Variants in SLAIN1 observed in about 807,000 individuals in gnomAD.
SLAIN1 encodes SLAIN motif-containing protein 1.
In SLAIN1, 17 loss-of-function variants were observed where a neutral mutation model predicts 55.4. That is an observed-to-expected ratio of 0.31 (90% CI 0.21 to 0.46). SLAIN1 has a LOEUF of 0.46. Among genes scored for constraint, SLAIN1 ranks in the 20% least tolerant of loss-of-function variants. The pLI is 1.00. For synonymous variants in SLAIN1, 348 were observed against 337.4 expected (o/e 1.03, Z -0.35); for missense variants, 682 against 785.1 (o/e 0.87, Z 1.57).
At chr13:77,716,128 T>G (rs748719693) in intron 1 of SLAIN1, among the ~76,000 whole-genome samples, 23 of 152,034 alleles carry the variant, frequency 1.5e-4, no homozygotes, top group Non-Finnish European at 2.6e-4. Context: ...GTTTTGTTTT[T>G]TTTTTTCTCA....
chr13:77,698,517 CG>C lies in SLAIN1; in HGVS notation c.607del (p.Asp203ThrfsTer23). On this transcript the variant is annotated frameshift_variant, in exon 1 of 7. Coordinates refer to ENST00000418532, the MANE Select transcript of SLAIN1 (RefSeq NM_001242868.2). LOFTEE classifies it high-confidence loss of function. This position sits in a 1 kb window ranked among gnomAD's most constrained non-coding sequence, Gnocchi z 4.1. ...GGATCTGGAGAGCGTAGCCGCCTGG[CG>C]GGACGAGGACGACTACACCTGGTAC... is the stretch of plus-strand genomic sequence containing the variant. ...LLDLESVAAW[R>X]DEDDYTWLYI... is the part of the protein sequence containing the mutation. The C allele has an allele frequency of 6.9e-7, 1 of 1,446,460 alleles. No homozygotes were observed. The highest frequency in any genetic ancestry group is 9.0e-7 in the Non-Finnish European group (1 of 1,107,050). The allele number at this position is 1,446,460 out of a possible 1,614,324, so 89.6% of individuals were successfully genotyped here.
chr13:77,754,455 A>C (rs1201115580), intron 5 of SLAIN1, among the ~76,000 whole-genome samples: 1 of 152,190 alleles, frequency 6.6e-6, no homozygotes, highest in African/African-American at 2.4e-5. Flanking sequence ...GTTAAGGAAC[A>C]GTTTGTCTAA....
chr13:77,742,840 CA>C (rs1873538980), intron 2 of SLAIN1: 2 of 185,750 alleles, frequency 1.1e-5, no homozygotes, highest in Non-Finnish European at 1.1e-5. Flanking sequence ...CCCTAATTCA[CA>C]AATTGTTTAT....
chr13:77,729,040 G>A (rs1053016211), intron 2 of SLAIN1, among the ~76,000 whole-genome samples: 7 of 152,172 alleles, frequency 4.6e-5, no homozygotes, highest in Non-Finnish European at 1.0e-4. Flanking sequence ...AAAATGCATT[G>A]TCATAGCTGT....
At chr13:77,757,901 T>G (rs1395349449) in intron 5 of SLAIN1, among the ~76,000 whole-genome samples, 1 of 152,086 alleles carries the variant, frequency 6.6e-6, no homozygotes, top group African/African-American at 2.4e-5. Context: ...TGCGTATGAA[T>G]GTGTCTTTTT....
intron 1 of SLAIN1, among the ~76,000 whole-genome samples, chr13:77,709,853 C>G (rs1489075597): frequency 6.6e-6 from 1 of 152,086 alleles, no homozygotes; most frequent in Non-Finnish European, 1.5e-5. Context: ...TCACTGCAAC[C>G]CCCGCCTCCC....
intron 1 of SLAIN1, among the ~76,000 whole-genome samples, chr13:77,705,748 T>G (rs2091083150): frequency 6.6e-6 from 1 of 151,992 alleles, no homozygotes; most frequent in Non-Finnish European, 1.5e-5. Context: ...TTGTATTATC[T>G]GCAAAAAGAT....
At chr13:77,724,545 G>A (rs2091290532) in intron 2 of SLAIN1, among the ~76,000 whole-genome samples, 1 of 152,150 alleles carries the variant, frequency 6.6e-6, no homozygotes, top group Non-Finnish European at 1.5e-5. Flanking sequence ...AGAATAGGGA[G>A]GAATTCATAG....
chr13:77,718,942 A>C (rs989105030), intron 1 of SLAIN1, among the ~76,000 whole-genome samples: 2 of 152,138 alleles, frequency 1.3e-5, no homozygotes, highest in South Asian at 4.1e-4. Flanking sequence ...AGTCTTCGTA[A>C]AACATATCTT....
chr13:77,746,722 G>A lies in SLAIN1; in HGVS notation c.1125G>A (p.Gln375=). ...TCCAAAGAGGAATTCCCCATTCACA[G>A]ACTTTCTCCAGCATTCGGGAGTGTA... The part of the protein sequence containing the change: ...SPFQRGIPHS[Q]TFSSIRECRR... The change falls in exon 4 of 7, where the codon CAG becomes CAA. Residue 375 remains glutamine, a synonymous_variant. Coordinates refer to ENST00000418532, the MANE Select transcript of SLAIN1 (RefSeq NM_001242868.2). The A allele has an allele frequency of 6.2e-7, 1 of 1,613,790 alleles. No homozygotes were observed. Among genetic ancestry groups the A allele is most frequent in the South Asian group, 1.1e-5 (1 of 91,074 alleles).
At chr13:77,719,978 T>G (rs1280747664) in intron 2 of SLAIN1, among the ~76,000 whole-genome samples, 2 of 152,090 alleles carry the variant, frequency 1.3e-5, no homozygotes, top group Non-Finnish European at 2.9e-5. Context: ...CAGTTATCAG[T>G]GCTCTGGGGT....
chr13:77,708,647 C>T (rs958648563), intron 1 of SLAIN1, among the ~76,000 whole-genome samples: 1 of 152,104 alleles, frequency 6.6e-6, no homozygotes. Context: ...CAGGAAAACC[C>T]CAGCAGACCT....
intron 2 of SLAIN1, among the ~76,000 whole-genome samples, chr13:77,724,755 T>C (rs1474101660): frequency 6.6e-6 from 1 of 152,194 alleles, no homozygotes; most frequent in East Asian, 1.9e-4. Flanking sequence ...TTTTTTTTAT[T>C]ATACTTTAAG....
intron 2 of SLAIN1, among the ~76,000 whole-genome samples, chr13:77,731,081 C>T (rs543690086): frequency 3.9e-5 from 6 of 152,054 alleles, no homozygotes; most frequent in Admixed American, 6.6e-5. Context: ...GAAGCAGGAA[C>T]GTACTGAACA....
chr13:77,716,356 G>A (rs139056206), intron 1 of SLAIN1, among the ~76,000 whole-genome samples: 102 of 149,552 alleles, frequency 6.8e-4, no homozygotes, highest in African/African-American at 2.5e-3. Flanking sequence ...CATTTGTTTG[G>A]CTATTCTAAG....
chr13:77,729,824 A>T (rs1482009315), intron 2 of SLAIN1, among the ~76,000 whole-genome samples: 5 of 152,128 alleles, frequency 3.3e-5, no homozygotes, highest in African/African-American at 1.2e-4. Flanking sequence ...ACCCAGGGGT[A>T]TGATCAGAAA....
rs1240896258 is a variant in SLAIN1, at chr13:77,760,278, C to T, written c.1415-550C>T. ...TTTAAGGGTTCTTATCCAGAGAGTT[C>T]CCAGTGCCCTTCATTTTATAGGTTT... On this transcript the variant is annotated intron_variant, in intron 5 of 6. Transcript: ENST00000418532. 3.9e-5 allele frequency among the ~76,000 whole-genome samples: 6 copies of T among 152,226 alleles called. No homozygotes were observed. The East Asian group carries it at 1.2e-3, about 29-fold the overall frequency.
intron 1 of SLAIN1, chr13:77,699,346 C>G (rs1439137447): frequency 1.5e-5 from 3 of 204,638 alleles, no homozygotes; most frequent in African/African-American, 6.9e-5. Flanking sequence ...TTTCTTATTT[C>G]TTGGAAACTT....
intron 2 of SLAIN1, among the ~76,000 whole-genome samples, chr13:77,720,477 G>C (rs2091251475): frequency 6.6e-6 from 1 of 152,186 alleles, no homozygotes; most frequent in South Asian, 2.1e-4. Context: ...TGATTCTCAT[G>C]TACACTGATA....
Sources: gnomAD v4.1 joint callset for allele counts (sites outside exome capture counted in the v4.1 genomes callset) on GRCh38, gnomAD v4.1.1 for gene constraint, Gnocchi (gnomAD v3.1) non-coding constraint, MANE v1.5 for transcripts, NCBI Gene and HGNC (gene_info 2026-07-23, HGNC 2026-07-21) for gene names.